FAT1: variants seen among roughly 807,000 people sequenced by gnomAD.
FAT1 encodes the protein protocadherin Fat 1.
A neutral mutation model predicts 329.8 loss-of-function variants in FAT1; 171 were observed. The ratio of observed to expected loss-of-function variants is 0.52; its 90% CI spans 0.46 to 0.59. The LOEUF (loss-of-function observed/expected upper bound fraction) is 0.59. Among genes scored for constraint, FAT1 ranks in the 20% least tolerant of loss-of-function variants. The pLI is 0.00. For missense variants in FAT1, 5,672 were observed against 5,774.4 expected, an observed-to-expected ratio of 0.98 and a Z score of 0.57; for synonymous variants, 2,233 against 2,228.6, an observed-to-expected ratio of 1.00 and a Z score of -0.06.
intron 3 of FAT1, among the ~76,000 whole-genome samples, chr4:186,656,037 G>C (rs768966009): frequency 6.6e-6 from 1 of 152,250 alleles, no homozygotes; most frequent in Non-Finnish European, 1.5e-5. Context: ...GCCGAAGGCC[G>C]TGCTGGGCCA....
chr4:186,646,623 T>G (rs934752853), intron 3 of FAT1, among the ~76,000 whole-genome samples: 1 of 152,150 alleles, frequency 6.6e-6, no homozygotes, highest in Admixed American at 6.5e-5. Flanking sequence ...CTAAAAACTT[T>G]AACATCTGCA....
rs76697337 is a variant in FAT1 at position 186,592,479 on chromosome 4, T to A, written c.13138+3210A>T. On this transcript the variant is annotated intron_variant, in intron 26 of 26. Transcript: ENST00000441802. ...TCTCCAGATCTCATGTAAATCACTATGAATGGTAAAAAGGAACAAAGACAT... is the reference window on the plus strand; with the variant it reads ...TCTCCAGATCTCATGTAAATCACTAAGAATGGTAAAAAGGAACAAAGACAT... Among the ~76,000 whole-genome samples, 111 of 152,304 alleles carry A rather than the reference T, an allele frequency of 7.3e-4. 1 individual carries two copies. In the East Asian group the frequency reaches 0.02, roughly 27 times the overall value.
chr4:186,641,727 C>T (rs1741104729), intron 3 of FAT1, among the ~76,000 whole-genome samples: 3 of 152,200 alleles, frequency 2.0e-5, no homozygotes, highest in Admixed American at 1.3e-4. Context: ...CATAAAAAGG[C>T]TGGGCATGGT....
Position 186,680,844 on chromosome 4 carries a change from C to T in FAT1, c.3266-17231G>A, listed in dbSNP as rs555230139. On this transcript the variant is annotated intron_variant, in intron 2 of 26. Transcript: ENST00000441802. ...GAGTGGCACCTAGTAGAGAGGTGCA[C>T]GCTTGCATTAACACAAATCTCATAA... Among the ~76,000 whole-genome samples, 6 of 152,244 alleles carry T rather than the reference C, an allele frequency of 3.9e-5. No individual in the cohort carries two copies. The East Asian group carries it at 7.7e-4, about 20-fold the overall frequency.
rs562731826 is a variant in FAT1 at position 186,640,905 on chromosome 4, G to A, written c.3581-1122C>T. ...ATCTGCACCTCCGACCTTAAAACCA[G>A]GTGGAGCCTGTGTGGCAGGACAATC... is the stretch of plus-strand genomic sequence containing the variant. On this transcript the variant is annotated intron_variant, in intron 3 of 26. Transcript: ENST00000441802. 2.6e-3 allele frequency among the ~76,000 whole-genome samples: 396 copies of A among 152,342 alleles called. 2 individuals carry two copies. Among genetic ancestry groups the A allele is most frequent in the African/African-American group, 8.9e-3 (372 of 41,574 alleles).
At position 186,614,329 on chromosome 4, in the gene FAT1, T is replaced by C. The variant is rs1480963098; in HGVS notation, c.9091A>G (p.Thr3031Ala). The change falls in exon 12 of 27, where the codon ACT becomes GCT. Residue 3031 changes from threonine (T) to alanine (A), a missense_variant. Physicochemically the swap from Thr to Ala is moderately conservative, Grantham distance 58 (BLOSUM62 0). This residue lies in a region of FAT1 where 3,966 missense variants were observed against 3,915.2 expected (regional missense o/e 1.01). Coordinates refer to ENST00000441802, the MANE Select transcript of FAT1 (RefSeq NM_005245.4). ...CCAGGAAGGACGTCTTCAGGAATAG[T>C]GTCTGAATATAAAGTCTGCAAAGAG... The part of the protein sequence containing the change: ...PVCEKTLYSD[T>A]IPEDVLPGKL... The C allele has an allele frequency of 3.2e-6, 5 of 1,562,250 alleles. No individual in the cohort carries two copies. Among genetic ancestry groups the C allele is most frequent in the Non-Finnish European group, 3.4e-6 (4 of 1,161,108 alleles).
At chr4:186,643,914 T>G (rs185396564) in intron 3 of FAT1, among the ~76,000 whole-genome samples, 2 of 152,116 alleles carry the variant, frequency 1.3e-5, no homozygotes, top group African/African-American at 2.4e-5. Flanking sequence ...GTATGTCCAC[T>G]TCTTTCATTT....
chr4:186,649,119 CAAA>C (rs1205805833), intron 3 of FAT1, among the ~76,000 whole-genome samples: 1 of 131,886 alleles, frequency 7.6e-6, no homozygotes, highest in Admixed American at 7.4e-5. Flanking sequence ...AAAAATGCAA[CAAA>C]GAAGTGGCCG....
rs140639233 is a variant in FAT1, at chr4:186,693,114, T to C, written c.3265+13449A>G. ...ATGTGCTAAAAATAACTTGAAGATATACTGTAATGCCATTACATGTTTGAA... is the reference window on the plus strand; with the variant it reads ...ATGTGCTAAAAATAACTTGAAGATACACTGTAATGCCATTACATGTTTGAA... On this transcript the variant is annotated intron_variant, in intron 2 of 26. Coordinates refer to ENST00000441802, the MANE Select transcript of FAT1 (RefSeq NM_005245.4). Among the ~76,000 whole-genome samples, 489 of 152,332 alleles carry C rather than the reference T, an allele frequency of 3.2e-3. 4 individuals carry two copies. Among genetic ancestry groups the C allele is most frequent in the African/African-American group, 0.011 (472 of 41,570 alleles).
intron 2 of FAT1, among the ~76,000 whole-genome samples, chr4:186,698,039 C>T (rs574328889): frequency 5.3e-5 from 8 of 152,326 alleles, no homozygotes; most frequent in Non-Finnish European, 8.8e-5. Context: ...TACAAATAGG[C>T]GTCCAGGGTG....
At chr4:186,671,363 G>A (rs1248967613) in intron 2 of FAT1, among the ~76,000 whole-genome samples, 1 of 152,120 alleles carries the variant, frequency 6.6e-6, no homozygotes, top group Non-Finnish European at 1.5e-5. Flanking sequence ...TGTAAAACGA[G>A]TTTAATATAA....
At position 186,590,303 on chromosome 4, in the gene FAT1, C is replaced by T. The variant is rs1208613060; in HGVS notation, c.13139-1083G>A. On this transcript the variant is annotated intron_variant, in intron 26 of 26. Coordinates refer to ENST00000441802, the MANE Select transcript of FAT1 (RefSeq NM_005245.4). ...GGCGACCCAGCGTAGTCAGTCAGCA[C>T]TGGGGCAAGGCTTGACCCATTGTTT... 2.8e-6 allele frequency: 3 copies of T among 1,082,940 alleles called. No homozygotes were observed. In the African/African-American group the frequency reaches 4.9e-5, roughly 18 times the overall value. The allele number at this position is 1,082,940 out of a possible 1,614,324, so 67.1% of individuals were successfully genotyped here.
rs756416515 is a variant in FAT1, at chr4:186,709,071, A to G, written c.757T>C (p.Cys253Arg). 238 of 1,613,796 alleles carry G rather than the reference A, an allele frequency of 1.5e-4. No individual in the cohort carries two copies. The highest frequency in any genetic ancestry group is 1.8e-4 in the Non-Finnish European group (213 of 1,179,832). ...GTCACTGCTGTTATCACCGGAGCAC[A>G]TTCATTGGCCTGTTCGATGTGCACC... Reference protein sequence around the residue: ...LTVHIEQANECAPVITAVTLS... With the variant: ...LTVHIEQANERAPVITAVTLS... The change falls in exon 2 of 27, where the codon TGT becomes CGT. Residue 253 changes from cysteine to arginine, a missense_variant. Cys to Arg is a radical substitution (Grantham distance 180, BLOSUM62 -3). This residue lies in a region of FAT1 where 3,966 missense variants were observed against 3,915.2 expected (regional missense o/e 1.01). Coordinates refer to ENST00000441802, the MANE Select transcript of FAT1 (RefSeq NM_005245.4).
At chr4:186,725,386 T>G (rs536413686), upstream of FAT1, among the ~76,000 whole-genome samples, 2 of 152,182 alleles carry the variant, frequency 1.3e-5, no homozygotes, top group South Asian at 4.2e-4. This position sits in a 1 kb window ranked among gnomAD's most constrained non-coding sequence, Gnocchi z 5.4. Context: ...TACCATTCCC[T>G]GACGTAAAAT....
chr4:186,719,030 T>C (rs538917196), intron 1 of FAT1, among the ~76,000 whole-genome samples: 1 of 152,300 alleles, frequency 6.6e-6, no homozygotes, highest in Admixed American at 6.5e-5. Flanking sequence ...AATCCACAGG[T>C]ATGAAAAATG....
In FAT1 at chr4:186,596,489, T is replaced by C. The variant is rs929372189; in HGVS notation, c.13000+51A>G. 3.8e-6 allele frequency: 6 copies of C among 1,558,674 alleles called. No homozygotes were observed. The highest frequency in any genetic ancestry group is 5.2e-6 in the Non-Finnish European group (6 of 1,152,166). On this transcript the variant is annotated intron_variant, in intron 25 of 26. Transcript: ENST00000441802. This position sits in a 1 kb window ranked among gnomAD's most constrained non-coding sequence, Gnocchi z 4.7. ...TTTTGACTGGACAGAATTTGTAACC[T>C]CACTGTTTATCTCAAGTGACACTTT...
At chr4:186,667,914 C>G (rs1742531870) in intron 2 of FAT1, among the ~76,000 whole-genome samples, 1 of 152,182 alleles carries the variant, frequency 6.6e-6, no homozygotes, top group South Asian at 2.1e-4. Context: ...GAGCGGTGGG[C>G]TGTTGCCACT....
At chr4:186,647,537 T>G (rs2126588291) in intron 3 of FAT1, among the ~76,000 whole-genome samples, 1 of 152,332 alleles carries the variant, frequency 6.6e-6, no homozygotes, top group South Asian at 2.1e-4. Flanking sequence ...GTGATCTCAC[T>G]TTCTTCTAGG....
At chr4:186,610,685 A>AT (rs200683651) in intron 14 of FAT1, among the ~76,000 whole-genome samples, 11,055 of 75,662 alleles carry the variant, frequency 0.15, 1,948 homozygotes, top group South Asian at 0.19. Context: ...ATAAATATAA[A>AT]TTATATAATT....
Sources: gnomAD v4.1 joint callset for allele counts (sites outside exome capture counted in the v4.1 genomes callset) on GRCh38, gnomAD v4.1.1 for gene constraint, gnomAD v4.1.1 regional missense constraint, Gnocchi (gnomAD v3.1) non-coding constraint, MANE v1.5 for transcripts, NCBI Gene and HGNC (gene_info 2026-07-23, HGNC 2026-07-21) for gene names.